Variants in TASP1 observed in about 807,000 individuals in gnomAD.
TASP1 encodes taspase 1.
TASP1 carries 16 observed loss-of-function variants against 56.6 expected under a neutral mutation model. The observed-to-expected ratio is 0.28, with a 90% confidence interval of 0.19 to 0.43. The LOEUF is 0.43. Ranked by LOEUF, TASP1 falls within the 20% of genes least tolerant of loss-of-function variation. The probability of loss-of-function intolerance (pLI) is 1.00; values close to 1 mark genes in which losing one functional copy is unlikely to be tolerated. For missense variants in TASP1, 393 were observed against 511.6 expected, an observed-to-expected ratio of 0.77 and a Z score of 2.24; for synonymous variants, 179 against 184.2, an observed-to-expected ratio of 0.97 and a Z score of 0.23.
At chr20:13,371,741 G>A in the TASP1 span, among the ~76,000 whole-genome samples, 6 of 152,066 alleles carry the variant, frequency 3.9e-5, no homozygotes, top group South Asian at 1.2e-3. Flanking sequence ...TATTTAAAGT[G>A]GAATATTTAA....
chr20:13,291,013 A>G, the TASP1 span, among the ~76,000 whole-genome samples: 1 of 152,196 alleles, frequency 6.6e-6, no homozygotes, highest in Non-Finnish European at 1.5e-5. Flanking sequence ...CCACACAGGG[A>G]CACAGATAGC....
At chr20:13,567,166 C>A (rs571459671) in intron 7 of TASP1, among the ~76,000 whole-genome samples, 64 of 152,012 alleles carry the variant, frequency 4.2e-4, no homozygotes, top group African/African-American at 1.5e-3. Flanking sequence ...AGCAAACTAA[C>A]ACAGGAACAA....
At chr20:13,372,553 T>A in the TASP1 span, among the ~76,000 whole-genome samples, 4 of 151,346 alleles carry the variant, frequency 2.6e-5, no homozygotes, top group South Asian at 8.3e-4. Flanking sequence ...ATATGTAATT[T>A]TATATATATA....
chr20:13,352,274 A>C, the TASP1 span, among the ~76,000 whole-genome samples: 1 of 152,046 alleles, frequency 6.6e-6, no homozygotes, highest in African/African-American at 2.4e-5. Context: ...ACATGGCGAA[A>C]CCCCATCTTT....
At chr20:13,133,035 T>G in the TASP1 span, 2 of 152,484 alleles carry the variant, frequency 1.3e-5, no homozygotes, top group Non-Finnish European at 2.9e-5. Flanking sequence ...AAACTTGATC[T>G]CTCTGCATCA....
At chr20:13,544,798 T>C (rs2045748606) in intron 8 of TASP1, among the ~76,000 whole-genome samples, 1 of 152,222 alleles carries the variant, frequency 6.6e-6, no homozygotes, top group Admixed American at 6.5e-5. Context: ...AATTACACTT[T>C]CTCTTTTAAA....
At chr20:13,165,099 T>TACACACACACACAC in the TASP1 span, 6 of 362,834 alleles carry the variant, frequency 1.7e-5, no homozygotes, top group Admixed American at 8.7e-5. Flanking sequence ...CTACTAGAAA[T>TACACACACACACAC]ACACACACAC....
At chr20:13,386,078 A>G (rs1390724377), downstream of TASP1, among the ~76,000 whole-genome samples, 7 of 152,232 alleles carry the variant, frequency 4.6e-5, no homozygotes, top group African/African-American at 1.7e-4. Context: ...GCAGCCTGAA[A>G]ATATGGATAT....
At chr20:13,327,109 CAA>C in the TASP1 span, among the ~76,000 whole-genome samples, 614 of 152,282 alleles carry the variant, frequency 4.0e-3, 6 homozygotes, top group African/African-American at 0.014. Flanking sequence ...GCAACTTCAG[CAA>C]AGTCTCAGGA....
At chr20:13,259,505 T>C in the TASP1 span, among the ~76,000 whole-genome samples, 3 of 152,284 alleles carry the variant, frequency 2.0e-5, no homozygotes, top group African/African-American at 7.2e-5. Flanking sequence ...AAAGCACATG[T>C]CAACTACTTA....
chr20:13,313,630 T>A, the TASP1 span, among the ~76,000 whole-genome samples: 75 of 152,226 alleles, frequency 4.9e-4, no homozygotes, highest in Non-Finnish European at 9.1e-4. Context: ...CTAAATTTAA[T>A]TTGTCTACAT....
chr20:13,268,956 C>A, the TASP1 span, among the ~76,000 whole-genome samples: 1 of 152,080 alleles, frequency 6.6e-6, no homozygotes, highest in Non-Finnish European at 1.5e-5. Context: ...ATAATCCCTT[C>A]CCTAAGGTTA....
the TASP1 span, among the ~76,000 whole-genome samples, chr20:13,248,395 T>A: frequency 6.6e-6 from 1 of 152,144 alleles, no homozygotes; most frequent in African/African-American, 2.4e-5. Context: ...ATGATGGGCC[T>A]TACCAGTGAG....
the TASP1 span, among the ~76,000 whole-genome samples, chr20:13,322,297 T>C: frequency 6.6e-6 from 1 of 152,148 alleles, no homozygotes; most frequent in Non-Finnish European, 1.5e-5. Context: ...CTCCTGGGTG[T>C]CCAGACCTAG....
the TASP1 span, among the ~76,000 whole-genome samples, chr20:13,171,500 T>A: frequency 6.6e-6 from 1 of 152,176 alleles, no homozygotes; most frequent in Non-Finnish European, 1.5e-5. Flanking sequence ...AGTTAAAGAT[T>A]TCCTATATAG....
intron 4 of TASP1, among the ~76,000 whole-genome samples, chr20:13,607,645 T>A (rs1402610421): frequency 1.3e-5 from 2 of 152,248 alleles, no homozygotes; most frequent in African/African-American, 4.8e-5. Flanking sequence ...ATGTTAGTAC[T>A]CACACTCTGT....
intron 6 of TASP1, among the ~76,000 whole-genome samples, chr20:13,576,798 C>A (rs746818335): frequency 2.6e-5 from 4 of 152,024 alleles, no homozygotes; most frequent in Admixed American, 6.5e-5. Context: ...TGTGAGAAAA[C>A]CAGCTAGTTC....
chr20:13,541,039 A>C (rs2045602067), intron 8 of TASP1, among the ~76,000 whole-genome samples: 1 of 152,228 alleles, frequency 6.6e-6, no homozygotes, highest in African/African-American at 2.4e-5. Flanking sequence ...AAAACCTGAA[A>C]AATATGAATG....
the TASP1 span, among the ~76,000 whole-genome samples, chr20:13,237,300 A>G: frequency 1.3e-5 from 2 of 152,258 alleles, no homozygotes; most frequent in Non-Finnish European, 2.9e-5. Context: ...TAATGTTCAT[A>G]GCAGCACTGT....
Sources: gnomAD v4.1 joint callset for allele counts (sites outside exome capture counted in the v4.1 genomes callset) on GRCh38, gnomAD v4.1.1 for gene constraint, MANE v1.5 for transcripts, NCBI Gene and HGNC (gene_info 2026-07-23, HGNC 2026-07-21) for gene names.